The following FCGR2A variants were observed in gnomAD, a reference collection of about 807,000 sequenced individuals.
FCGR2A encodes low affinity immunoglobulin gamma Fc region receptor II-a.
In FCGR2A, 18 loss-of-function variants were observed where a neutral mutation model predicts 29.3. That is an observed-to-expected ratio of 0.62 (90% CI 0.43 to 0.91). The LOEUF is 0.91. Among genes scored for constraint, FCGR2A ranks in the 40% least tolerant of loss-of-function variants. The pLI, the probability that FCGR2A is intolerant of heterozygous loss-of-function variation, is 0.00. For missense variants in FCGR2A, 287 were observed against 393.0 expected (o/e 0.73, Z 2.28); for synonymous variants, 126 against 144.8 (o/e 0.87, Z 0.93).
chr1:161,521,172 T>C (rs891417654), downstream of FCGR2A, among the ~76,000 whole-genome samples: 3 of 151,016 alleles, frequency 2.0e-5, no homozygotes, highest in African/African-American at 7.3e-5. Flanking sequence ...TTATTACTAC[T>C]GATGTACTAT....
chr1:161,512,733 A>G (rs1239798062), intron 5 of FCGR2A, among the ~76,000 whole-genome samples: 1 of 152,188 alleles, frequency 6.6e-6, no homozygotes, highest in Non-Finnish European at 1.5e-5. Flanking sequence ...TATGATTTAG[A>G]GCAGAGCCAA....
Position 161,513,907 on chromosome 1 carries a change from A to T in FCGR2A, c.755A>T (p.Asp252Val). 1 of 1,614,192 alleles carries T rather than the reference A, an allele frequency of 6.2e-7. No homozygotes were observed. Among genetic ancestry groups the T allele is most frequent in the East Asian group, 2.2e-5 (1 of 44,892 alleles). Residue 252 changes from aspartate (D) to valine (V), a missense_variant, in exon 6 of 7, where the codon GAT becomes GTT. Physicochemically the swap from Asp to Val is radical, Grantham distance 152. Around this residue, in one of 3 missense-constraint regions of FCGR2A, gnomAD observed 72 missense variants for 68.6 expected, o/e 1.05. Transcript: ENST00000271450. ...TTTTTCCCCACAGCCAATTCCACTG[A>T]TCCTGTGAAGGCTGCCCAATTTGAG... The part of the protein sequence containing the change: ...RKKRISANST[D>V]PVKAAQFEPP...
At chr1:161,509,767 A>C in intron 3 of FCGR2A, 53 bp from the exon 4 acceptor site, 1 of 1,606,736 alleles carries the variant, frequency 6.2e-7, no homozygotes, top group East Asian at 2.2e-5. Context: ...GAGACTGAAA[A>C]ACCCTTGGAA....
chr1:161,505,695 T>C (rs140132884), intron 1 of FCGR2A, 143 bp downstream of exon 1: 1 of 774,118 alleles, frequency 1.3e-6, no homozygotes, highest in Non-Finnish European at 2.3e-6. Flanking sequence ...AATTCTTAAG[T>C]GTTCCAATGG....
intron 3 of FCGR2A, 111 bp downstream of exon 3, chr1:161,506,702 A>G (rs1675434872): frequency 3.2e-6 from 5 of 1,541,344 alleles, no homozygotes; most frequent in Non-Finnish European, 4.4e-6. Flanking sequence ...ACTGGGAAGC[A>G]CTGTTGTGAG....
At chr1:161,512,759 G>C (rs991406114) in intron 5 of FCGR2A, among the ~76,000 whole-genome samples, 10 of 152,212 alleles carry the variant, frequency 6.6e-5, no homozygotes, top group Admixed American at 1.3e-4. Flanking sequence ...TTAAGAGCTT[G>C]AGCAAAATAT....
chr1:161,509,485 C>T (rs960006506), intron 3 of FCGR2A, among the ~76,000 whole-genome samples: 4 of 152,146 alleles, frequency 2.6e-5, no homozygotes, highest in Non-Finnish European at 5.9e-5. Flanking sequence ...AATCCCCAGA[C>T]CACAAAAACT....
chr1:161,510,239 A>G (rs1261062053), intron 4 of FCGR2A, 165 bp downstream of exon 4: 2 of 1,286,114 alleles, frequency 1.6e-6, no homozygotes, highest in Admixed American at 5.1e-5. Context: ...ACCAACAAGT[A>G]GGGGCCAGAG....
At chr1:161,523,751 G>A (rs1055112945), downstream of FCGR2A, 1 of 152,162 alleles carries the variant, frequency 6.6e-6, no homozygotes, top group African/African-American at 2.4e-5. Context: ...CAAAACTGGA[G>A]GAATGTAAAG....
chr1:161,506,148 GTGGGGTC>G, intron 2 of FCGR2A, 141 bp downstream of exon 2: 1 of 1,253,300 alleles, frequency 8.0e-7, no homozygotes, highest in Non-Finnish European at 1.2e-6. Flanking sequence ...CCCCATTTTA[GTGGGGTC>G]TGGGATTTGC....
chr1:161,517,634 C>G (rs1005875710), intron 6 of FCGR2A, among the ~76,000 whole-genome samples: 16 of 151,984 alleles, frequency 1.1e-4, no homozygotes, highest in Admixed American at 5.9e-4. Context: ...CTGATTTTTC[C>G]AAAGGCCAGA....
intron 4 of FCGR2A, chr1:161,510,498 C>T: frequency 4.4e-6 from 2 of 456,720 alleles, no homozygotes; most frequent in Non-Finnish European, 8.0e-6. Flanking sequence ...GTAATGATGC[C>T]TCCAGCTATG....
rs1246893359 is a variant in FCGR2A at position 161,518,498 on chromosome 1, G to A, written c.*350G>A. On this transcript the variant is annotated 3_prime_UTR_variant, in exon 7 of 7. Transcript: ENST00000271450. ...ACCCCCAAAAAACAATTATGTAATT[G>A]AAAACCAACCGATTGCCTTTATTTT... 2 of 307,680 alleles carry A rather than the reference G, an allele frequency of 6.5e-6. No individual in the cohort carries two copies. The highest frequency in any genetic ancestry group is 1.2e-5 in the Non-Finnish European group (2 of 169,636). The allele number at this position is 307,680 out of a possible 1,614,324, so 19.1% of individuals were successfully genotyped here. A position where few individuals can be genotyped will look rare whatever the true frequency, so the allele number is the denominator to read the frequency against.
In FCGR2A at chr1:161,518,628, T is replaced by TC. The variant is rs1676289705; in HGVS notation, c.*480_*481insC. ...TTTTTCCTTTAACATCTTTTTTTTT[T>TC]TTGACAGAGTCTCAATCTGTTACCC... is the stretch of plus-strand genomic sequence containing the variant. On this transcript the variant is annotated 3_prime_UTR_variant, in exon 7 of 7. Coordinates refer to ENST00000271450, the MANE Select transcript of FCGR2A (RefSeq NM_001136219.3). 1 of 173,198 alleles carries TC rather than the reference T, an allele frequency of 5.8e-6. No homozygotes were observed. The highest frequency in any genetic ancestry group is 5.5e-5 in the Admixed American group (1 of 18,128). 10.7% of individuals were successfully genotyped at this position (173,198 alleles called of 1,614,324 possible).
At chr1:161,509,718 G>A in intron 3 of FCGR2A, 102 bp from the exon 4 acceptor site, 5 of 1,447,462 alleles carry the variant, frequency 3.5e-6, no homozygotes, top group Admixed American at 1.8e-5. Context: ...ATTTCTGTCT[G>A]CCAGACATCA....
At position 161,506,592 on chromosome 1, in the gene FCGR2A, G is replaced by A. The variant is rs935762387; in HGVS notation, c.364+1G>A. On this transcript the variant is annotated splice_donor_variant, in intron 3 of 6. Transcript: ENST00000271450. LOFTEE classifies it high-confidence loss of function. The stretch of plus-strand genomic sequence containing the variant: ...CCTGTGCATCTGACTGTGCTTTCCG[G>A]TCAGTGGAGGAAGGCCCCAGGGTGG... The A allele has an allele frequency of 3.1e-6, 5 of 1,613,952 alleles. No individual in the cohort carries two copies. In the Admixed American group the frequency reaches 6.7e-5, roughly 22 times the overall value.
At chr1:161,505,812 T>C in intron 1 of FCGR2A, 175 bp from the exon 2 acceptor site, 1 of 737,962 alleles carries the variant, frequency 1.4e-6, no homozygotes. Flanking sequence ...GGAAATGAGA[T>C]AAAGGGGACA....
chr1:161,516,806 T>C (rs1010465781), intron 6 of FCGR2A, among the ~76,000 whole-genome samples: 1 of 136,868 alleles, frequency 7.3e-6, no homozygotes, highest in Non-Finnish European at 1.6e-5. Flanking sequence ...TCCTGAATTT[T>C]TGTTTTTTAG....
At chr1:161,511,822 G>A (rs982131890) in intron 5 of FCGR2A, among the ~76,000 whole-genome samples, 1 of 152,200 alleles carries the variant, frequency 6.6e-6, no homozygotes, top group African/African-American at 2.4e-5. Flanking sequence ...TGAGAAACCA[G>A]GTGAATACAG....
Sources: allele counts gnomAD v4.1 joint callset (sites outside exome capture counted in the v4.1 genomes callset), GRCh38; gene constraint gnomAD v4.1.1; regional missense constraint gnomAD v4.1.1; transcripts MANE v1.5; gene names NCBI Gene and HGNC (gene_info 2026-07-23, HGNC 2026-07-21).